TRIM29: variants seen among roughly 807,000 people sequenced by gnomAD.
TRIM29 encodes the protein tripartite motif containing 29.
A neutral mutation model predicts 57.3 loss-of-function variants in TRIM29; 52 were observed. The observed-to-expected ratio is 0.91, with a 90% CI of 0.73 to 1.14. The LOEUF (loss-of-function observed/expected upper bound fraction) is 1.14, where lower values mean the gene tolerates loss of function less well. Ranked by LOEUF, TRIM29 falls within the 50% of genes most tolerant of loss-of-function variation. The pLI is 0.00. For synonymous variants in TRIM29, 319 were observed against 316.9 expected (o/e 1.01, Z -0.07); for missense variants, 753 against 774.6 (o/e 0.97, Z 0.33).
At chr11:120,130,321 C>T (rs751880815) in intron 1 of TRIM29, among the ~76,000 whole-genome samples, 1 of 152,222 alleles carries the variant, frequency 6.6e-6, no homozygotes, top group East Asian at 1.9e-4. Context: ...CCTGACCCAG[C>T]TCAGTGATGG....
chr11:120,125,639 T>C (rs573448323), intron 4 of TRIM29, 52 bp downstream of exon 4: 2 of 1,594,634 alleles, frequency 1.3e-6, no homozygotes, highest in African/African-American at 2.7e-5. Context: ...AGGAATTGAT[T>C]TGGGAGAGAA....
chr11:120,116,960 G>A (rs568002563), intron 7 of TRIM29: 9 of 411,650 alleles, frequency 2.2e-5, no homozygotes, highest in African/African-American at 4.2e-5. Context: ...GGCAGATACC[G>A]GGATTATTTT....
At chr11:120,128,948 G>GA in intron 1 of TRIM29, 1 of 1,343,880 alleles carries the variant, frequency 7.4e-7, no homozygotes, top group Non-Finnish European at 9.6e-7. Context: ...TCTATGGCAT[G>GA]ACGTAGGGCT....
rs1863640138 is a variant in TRIM29 at position 120,128,257 on chromosome 11, G to A, written c.900+143C>T. The A allele has an allele frequency of 6.0e-6, 4 of 667,258 alleles. No homozygotes were observed. In the Admixed American group the frequency reaches 1.1e-4, roughly 18 times the overall value. The allele number at this position is 667,258 out of a possible 1,614,324, so 41.3% of individuals were successfully genotyped here. ...ACTGAGAAGGGGAGTTGGTGAGAAT[G>A]TCAGAGGAGGTGGGAGAAGCCAGAA... On this transcript the variant is annotated intron_variant, in intron 2 of 8. Coordinates refer to ENST00000341846, the MANE Select transcript of TRIM29 (RefSeq NM_012101.4).
At chr11:120,136,060 C>T (rs1467605858) in intron 1 of TRIM29, among the ~76,000 whole-genome samples, 2 of 152,160 alleles carry the variant, frequency 1.3e-5, no homozygotes, top group African/African-American at 4.8e-5. Flanking sequence ...CATAGAAGTA[C>T]AGGCACAGTC....
At chr11:120,117,906 C>G (rs994824014) in intron 7 of TRIM29, 7 of 357,562 alleles carry the variant, frequency 2.0e-5, no homozygotes, top group African/African-American at 1.5e-4. Context: ...GAAGCAGCAT[C>G]CTGAGGATCA....
At chr11:120,118,089 C>A in intron 7 of TRIM29, 134 bp downstream of exon 7, 1 of 814,498 alleles carries the variant, frequency 1.2e-6, no homozygotes, top group Non-Finnish European at 2.0e-6. Context: ...CGGTAGCTCC[C>A]GGGCTCTCAG....
chr11:120,117,486 A>C (rs1053225635), intron 7 of TRIM29: 1 of 154,238 alleles, frequency 6.5e-6, no homozygotes, highest in African/African-American at 2.4e-5. Flanking sequence ...AGCCCACCCA[A>C]TGTGCTGATC....
intron 1 of TRIM29, among the ~76,000 whole-genome samples, chr11:120,132,331 T>C (rs1277668006): frequency 6.6e-6 from 1 of 152,122 alleles, no homozygotes; most frequent in African/African-American, 2.4e-5. Flanking sequence ...ACAGGGCCTC[T>C]GATCCCCACA....
chr11:120,117,925 G>A (rs144960733), intron 7 of TRIM29: 117 of 401,650 alleles, frequency 2.9e-4, no homozygotes, highest in African/African-American at 2.0e-3. Context: ...CAGAGAGGTC[G>A]AGTGCAGGGG....
At position 120,137,336 on chromosome 11, in the gene TRIM29, C is replaced by T; in HGVS notation, c.696G>A (p.Met232Ile). The T allele has an allele frequency of 6.2e-7, 1 of 1,614,074 alleles. No homozygotes were observed. The highest frequency in any genetic ancestry group is 1.7e-5 in the Admixed American group (1 of 60,028). ...TCTGGTCGGTCTGGCAGAAGAGCTC[C>T]ATCGTCTTGCCATGCACGGGACACT... ...ARKCPVHGKTMELFCQTDQTC... is the reference protein window; with the variant it reads ...ARKCPVHGKTIELFCQTDQTC... The change falls in exon 1 of 9, where the codon ATG becomes ATA. Residue 232 changes from methionine (M) to isoleucine (I), a missense_variant. By Grantham distance (10) the Met-to-Ile change is conservative (BLOSUM62 1). Transcript: ENST00000341846. The surrounding 1 kb of genome is among the most constrained non-coding windows in gnomAD (Gnocchi z 6.2).
intron 1 of TRIM29, 196 bp from the exon 2 acceptor site, chr11:120,128,691 G>A: frequency 6.5e-7 from 1 of 1,535,656 alleles, no homozygotes; most frequent in Non-Finnish European, 8.7e-7. Flanking sequence ...GGATCTAGCA[G>A]TAAGTTAAAT....
intron 1 of TRIM29, among the ~76,000 whole-genome samples, chr11:120,133,528 G>A (rs1863757773): frequency 1.3e-5 from 2 of 151,976 alleles, no homozygotes; most frequent in South Asian, 4.1e-4. Context: ...CACCCAGAGA[G>A]GCCCCCCTAC....
At chr11:120,135,530 C>A (rs546898859) in intron 1 of TRIM29, among the ~76,000 whole-genome samples, 5 of 152,178 alleles carry the variant, frequency 3.3e-5, no homozygotes, top group Admixed American at 1.3e-4. Context: ...GGATGATTGC[C>A]TCTTGTTCTG....
intron 3 of TRIM29, among the ~76,000 whole-genome samples, chr11:120,126,787 C>T (rs1863599912): frequency 6.6e-6 from 1 of 152,202 alleles, no homozygotes; most frequent in African/African-American, 2.4e-5. Context: ...ACACACTTTT[C>T]TATATTGTTC....
chr11:120,112,598 C>T (rs540989310), intron 8 of TRIM29, 122 bp from the exon 9 acceptor site: 2 of 977,772 alleles, frequency 2.0e-6, no homozygotes, highest in African/African-American at 1.7e-5. Flanking sequence ...ATTCTAGGGG[C>T]CTTTTTGGCC....
Position 120,137,219 on chromosome 11 carries a change from A to T in TRIM29, c.804+9T>A, listed in dbSNP as rs373415039. 2.5e-5 allele frequency: 41 copies of T among 1,613,280 alleles called. No individual in the cohort carries two copies. The African/African-American group carries it at 4.8e-4, about 19-fold the overall frequency. On this transcript the variant is annotated intron_variant, in intron 1 of 8. Coordinates refer to ENST00000341846, the MANE Select transcript of TRIM29 (RefSeq NM_012101.4). The surrounding 1 kb of genome is among the most constrained non-coding windows in gnomAD (Gnocchi z 6.2). ...GGCCTGGAGGGGCAGGAGGGGCCCC[A>T]GCACTTACCTCCTTCTCGGCCTTGG... is the stretch of plus-strand genomic sequence containing the variant.
chr11:120,135,981 G>A lies in TRIM29; in HGVS notation c.804+1247C>T, dbSNP rs557603079. Among the ~76,000 whole-genome samples, 18 of 152,200 alleles carry A rather than the reference G, an allele frequency of 1.2e-4. No individual in the cohort carries two copies. The South Asian group carries it at 3.3e-3, about 28-fold the overall frequency. On this transcript the variant is annotated intron_variant, in intron 1 of 8. Transcript: ENST00000341846. ...GGCAAAGGGCAGTGGCCACAGCTGG[G>A]CCCTTTGCCCAAATCACCTTCCCCA... is the stretch of plus-strand genomic sequence containing the variant.
At position 120,125,450 on chromosome 11, in the gene TRIM29, G is replaced by A. The variant is rs999250065; in HGVS notation, c.1333+241C>T. 1.7e-4 allele frequency: 90 copies of A among 532,078 alleles called. No homozygotes were observed. In the East Asian group the frequency reaches 2.6e-3, roughly 16 times the overall value. 33.0% of individuals were successfully genotyped at this position (532,078 alleles called of 1,614,324 possible). On this transcript the variant is annotated intron_variant, in intron 4 of 8. Transcript: ENST00000341846. The stretch of plus-strand genomic sequence containing the variant: ...GAGAGGAGGCATTTGTGGAGCCAGT[G>A]CCCAGGATGTCCCTGCTCTGGAGGT...
Sources: gnomAD v4.1 joint callset for allele counts (sites outside exome capture counted in the v4.1 genomes callset) on GRCh38, gnomAD v4.1.1 for gene constraint, Gnocchi (gnomAD v3.1) non-coding constraint, MANE v1.5 for transcripts, NCBI Gene and HGNC (gene_info 2026-07-23, HGNC 2026-07-21) for gene names.